The following SERPINA12 variants were observed in gnomAD, a reference collection of about 807,000 sequenced individuals.
SERPINA12 encodes the protein serpin A12.
Under a neutral mutation model 25.9 loss-of-function variants are expected in SERPINA12, and 21 were observed. The observed-to-expected ratio is 0.81, with a 90% confidence interval of 0.58 to 1.17. SERPINA12 has a LOEUF of 1.17. Among genes scored for constraint, SERPINA12 ranks in the 50% most tolerant of loss-of-function variants. SERPINA12 has a pLI of 0.00. For missense variants in SERPINA12, 562 were observed against 508.3 expected (o/e 1.11, Z -1.02); for synonymous variants, 220 against 196.0 (o/e 1.12, Z -1.02).
At chr14:94,503,867 A>C (rs142953213) in intron 1 of SERPINA12, among the ~76,000 whole-genome samples, 115 of 152,332 alleles carry the variant, frequency 7.5e-4, no homozygotes, top group African/African-American at 2.7e-3. Context: ...GGCACCACTT[A>C]TGTCCCAAGA....
upstream of SERPINA12, among the ~76,000 whole-genome samples, chr14:94,513,728 A>T (rs993043153): frequency 2.0e-5 from 3 of 152,178 alleles, no homozygotes; most frequent in South Asian, 2.1e-4. Flanking sequence ...ATGAATTTTT[A>T]AAAAATTACT....
At chr14:94,490,837 C>T (rs1363533954) in intron 3 of SERPINA12, among the ~76,000 whole-genome samples, 2 of 152,174 alleles carry the variant, frequency 1.3e-5, no homozygotes, top group Non-Finnish European at 2.9e-5. Flanking sequence ...ATCCCTTTCT[C>T]CAAGGTGAAG....
chr14:94,501,221 A>C, intron 1 of SERPINA12: 5 of 962,072 alleles, frequency 5.2e-6, no homozygotes, highest in Non-Finnish European at 6.2e-6. Context: ...AGCTTCTGCT[A>C]TTCAGAGTGG....
At chr14:94,495,119 A>AGT (rs1900351807) in intron 3 of SERPINA12, among the ~76,000 whole-genome samples, 2 of 120,044 alleles carry the variant, frequency 1.7e-5, no homozygotes, top group Non-Finnish European at 1.6e-5. Flanking sequence ...CCCAGGCTGG[A>AGT]GTGCAGTGGC....
intron 1 of SERPINA12, chr14:94,503,431 G>T (rs1438268457): frequency 2.6e-5 from 12 of 457,206 alleles, no homozygotes; most frequent in Non-Finnish European, 3.5e-5. Flanking sequence ...CCCAGGAAAT[G>T]GTCCATATTG....
intron 4 of SERPINA12, among the ~76,000 whole-genome samples, chr14:94,489,149 G>GAA (rs1555376676): frequency 2.7e-5 from 4 of 145,928 alleles, no homozygotes; most frequent in African/African-American, 7.6e-5. Context: ...GAGAGAGAGA[G>GAA]AGAAAGAAAG....
rs2012710 is a variant in SERPINA12, at chr14:94,495,169, T to G, written c.905+1204A>C. On this transcript the variant is annotated intron_variant, in intron 3 of 4. Coordinates refer to ENST00000677451, the MANE Select transcript of SERPINA12 (RefSeq NM_001382267.1). ...CTGCAAGCTCCGCCTCCCGGGTTCA[T>G]GCCATTCTCCTGCCTCAGCCTCCCA... 7.6e-5 allele frequency among the ~76,000 whole-genome samples: 11 copies of G among 145,028 alleles called. No homozygotes were observed. The East Asian group carries it at 2.2e-3, about 29-fold the overall frequency.
exon 1 of SERPINA12, chr14:94,517,468 G>C (rs925355131): frequency 6.6e-6 from 1 of 152,248 alleles, no homozygotes; most frequent in Admixed American, 6.5e-5. Context: ...CTGTAGGGCC[G>C]ATGAGTCAGA....
upstream of SERPINA12, chr14:94,509,999 G>A: frequency 1.0e-6 from 1 of 985,332 alleles, no homozygotes; most frequent in Non-Finnish European, 1.2e-6. Context: ...CCCAGGTGCA[G>A]CCTGGGAGCA....
In SERPINA12 at chr14:94,498,241, T is replaced by C. The variant is rs149622388; in HGVS notation, c.157A>G (p.Met53Val). 1.4e-5 allele frequency: 23 copies of C among 1,614,202 alleles called. No homozygotes were observed. The South Asian group carries it at 2.2e-4, about 15-fold the overall frequency. ...MAAKELARQN[M>V]DLGFKLLKKL... The stretch of plus-strand genomic sequence containing the variant: ...TTGAGCAGCTTAAAGCCTAAGTCCA[T>C]GTTCTGCCTTGCAAGCTCCTTGGCT... Residue 53 changes from methionine (M) to valine (V), a missense_variant, in exon 2 of 5, where the codon ATG becomes GTG. Met to Val is a conservative substitution (Grantham distance 21). Coordinates refer to ENST00000677451, the MANE Select transcript of SERPINA12 (RefSeq NM_001382267.1).
chr14:94,499,437 A>G (rs1900619279), intron 1 of SERPINA12, among the ~76,000 whole-genome samples: 1 of 152,242 alleles, frequency 6.6e-6, no homozygotes, highest in Non-Finnish European at 1.5e-5. Context: ...GAGAGATGCT[A>G]AAAGCATGTT....
At chr14:94,489,490 C>T (rs989691622) in intron 4 of SERPINA12, 130 bp downstream of exon 4, 36 of 1,024,220 alleles carry the variant, frequency 3.5e-5, no homozygotes, top group Middle Eastern at 3.1e-4. Flanking sequence ...AGGGGCACAG[C>T]TGCATTCATG....
rs112028313 is a variant in SERPINA12, at chr14:94,506,606, T to C, written c.-34+2736A>G. On this transcript the variant is annotated intron_variant, in intron 1 of 4. Transcript: ENST00000677451. ...CAATCTAATGCCTCCAGAAATTGTA[T>C]ATGTGACTTTGGGCTTCTGGTTCTT... Among the ~76,000 whole-genome samples the C allele has an allele frequency of 5.5e-3, 844 of 152,348 alleles. 6 individuals are homozygous for C. Among genetic ancestry groups the C allele is most frequent in the African/African-American group, 0.019 (807 of 41,572 alleles).
chr14:94,497,863 C>A lies in SERPINA12; in HGVS notation c.535G>T (p.Asp179Tyr), dbSNP rs763844155. Residue 179 changes from aspartate to tyrosine, a missense_variant, in exon 2 of 5, where the codon GAC (aspartate) becomes TAC (tyrosine). Coordinates refer to ENST00000677451, the MANE Select transcript of SERPINA12 (RefSeq NM_001382267.1). ...CCATGGGTTTTTTGACTGATAAAGT[C>A]ATTGATCTGCTTCTGAGCCATTTCC... ...NLEMAQKQIN[D>Y]FISQKTHGKI... The A allele has an allele frequency of 6.2e-7, 1 of 1,614,126 alleles. No individual in the cohort carries two copies. Among genetic ancestry groups the A allele is most frequent in the South Asian group, 1.1e-5 (1 of 91,066 alleles).
chr14:94,501,665 C>G (rs55779029), intron 1 of SERPINA12, among the ~76,000 whole-genome samples: 6,175 of 70,254 alleles, frequency 0.088, 143 homozygotes, highest in Middle Eastern at 0.2. Flanking sequence ...ACCACCTCCC[C>G]GCCCCCCCAC....
At chr14:94,501,219 C>T (rs1900707231) in intron 1 of SERPINA12, 2 of 970,142 alleles carry the variant, frequency 2.1e-6, no homozygotes, top group Non-Finnish European at 2.5e-6. Context: ...GAAGCTTCTG[C>T]TATTCAGAGT....
intron 3 of SERPINA12, among the ~76,000 whole-genome samples, chr14:94,491,344 C>G (rs981011841): frequency 6.6e-6 from 1 of 152,122 alleles, no homozygotes. Context: ...TTGAGCAAAC[C>G]TTGAGGCAGG....
chr14:94,490,400 G>A (rs1405433711), intron 3 of SERPINA12, among the ~76,000 whole-genome samples: 2 of 151,916 alleles, frequency 1.3e-5, no homozygotes, highest in East Asian at 1.9e-4. Flanking sequence ...CCTCCTGCCC[G>A]GAGCCTGGGG....
At chr14:94,506,493 T>G (rs1900936578) in intron 1 of SERPINA12, among the ~76,000 whole-genome samples, 2 of 152,084 alleles carry the variant, frequency 1.3e-5, no homozygotes, top group African/African-American at 4.8e-5. Context: ...TAAGCTGGGT[T>G]TTGAAGGATA....
Sources: allele counts gnomAD v4.1 joint callset (sites outside exome capture counted in the v4.1 genomes callset), GRCh38; gene constraint gnomAD v4.1.1; transcripts MANE v1.5; gene names NCBI Gene and HGNC (gene_info 2026-07-23, HGNC 2026-07-21).